Variants in SAP130 observed in about 807,000 individuals in gnomAD.
SAP130 encodes Sin3A associated protein 130.
A neutral mutation model predicts 103.2 loss-of-function variants in SAP130; 16 were observed. The ratio of observed to expected loss-of-function variants is 0.16; its 90% CI spans 0.10 to 0.24. The LOEUF (loss-of-function observed/expected upper bound fraction) is 0.24. SAP130 is among the 10% of genes least tolerant of loss of function. The pLI is 1.00. For missense variants in SAP130, 990 were observed against 1,359.7 expected, an observed-to-expected ratio of 0.73 and a Z score of 4.28; for synonymous variants, 477 against 497.0, an observed-to-expected ratio of 0.96 and a Z score of 0.53.
chr2:128,002,115 C>T (rs556142202), intron 7 of SAP130, among the ~76,000 whole-genome samples: 9 of 152,166 alleles, frequency 5.9e-5, no homozygotes, highest in East Asian at 1.9e-4. Flanking sequence ...TTAGTAGAGA[C>T]GTGGTTTCAC....
chr2:128,026,806 G>C (rs909313621), intron 1 of SAP130, among the ~76,000 whole-genome samples: 1 of 152,206 alleles, frequency 6.6e-6, no homozygotes. Context: ...TTTCGGCAAA[G>C]GCCTCCATTT....
chr2:127,989,594 G>T lies in SAP130; in HGVS notation c.1750C>A (p.Gln584Lys). The part of the protein sequence containing the change: ...QGLQPAPMGT[Q>K]QPQPEGKTSA... ...GTCTTTCCTTCAGGCTGAGGCTGCT[G>T]AGTACCCATAGGTGCAGGCTGAAGC... Residue 584 changes from glutamine to lysine, a missense_variant, in exon 13 of 21, where the codon CAG becomes AAG. By Grantham distance (53) the Gln-to-Lys change is moderately conservative (BLOSUM62 1). This residue lies in a region of SAP130 where 349 missense variants were observed against 384.1 expected (regional missense o/e 0.91). Coordinates refer to ENST00000643581, the MANE Select transcript of SAP130 (RefSeq NM_001330301.2). This position sits in a 1 kb window ranked among gnomAD's most constrained non-coding sequence, Gnocchi z 4.6. The T allele has an allele frequency of 6.2e-7, 1 of 1,613,758 alleles. No homozygotes were observed. The highest frequency in any genetic ancestry group is 8.5e-7 in the Non-Finnish European group (1 of 1,179,674).
At chr2:127,974,015 T>C (rs991890199) in intron 15 of SAP130, among the ~76,000 whole-genome samples, 1 of 152,156 alleles carries the variant, frequency 6.6e-6, no homozygotes, top group Non-Finnish European at 1.5e-5. Context: ...CACTCCAGCC[T>C]GGGTGACAGA....
chr2:127,986,732 A>T lies in SAP130; in HGVS notation c.1958+53T>A. The T allele has an allele frequency of 2.1e-5, 32 of 1,554,432 alleles. No individual in the cohort carries two copies. Among genetic ancestry groups the T allele is most frequent in the Non-Finnish European group, 2.8e-5 (32 of 1,133,136 alleles). The stretch of plus-strand genomic sequence containing the variant: ...TTAGATAAGAGTGCCTATTATGTAT[A>T]CCAGTTATATCCAGAACCAGAGGTG... On this transcript the variant is annotated intron_variant, in intron 14 of 20. Coordinates refer to ENST00000643581, the MANE Select transcript of SAP130 (RefSeq NM_001330301.2). The surrounding 1 kb of genome is among the most constrained non-coding windows in gnomAD (Gnocchi z 4.7).
intron 15 of SAP130, among the ~76,000 whole-genome samples, chr2:127,975,666 GTT>G (rs1306750905): frequency 6.6e-6 from 1 of 152,190 alleles, no homozygotes; most frequent in Non-Finnish European, 1.5e-5. Flanking sequence ...GTGAAGGCTG[GTT>G]TTAGCATTTC....
chr2:127,998,747 T>G (rs1262692412), intron 10 of SAP130, among the ~76,000 whole-genome samples: 1 of 152,194 alleles, frequency 6.6e-6, no homozygotes, highest in Non-Finnish European at 1.5e-5. Context: ...AAATTCTTCA[T>G]GGTGGAGGGT....
At position 127,989,825 on chromosome 2, in the gene SAP130, C is replaced by T; in HGVS notation, c.1519G>A (p.Gly507Ser). The T allele has an allele frequency of 6.2e-7, 1 of 1,614,168 alleles. No individual in the cohort carries two copies. Among genetic ancestry groups the T allele is most frequent in the East Asian group, 2.2e-5 (1 of 44,882 alleles). The change falls in exon 13 of 21, where the codon GGT becomes AGT. Residue 507 changes from glycine to serine, a missense_variant. This residue lies in a region of SAP130 where 336 missense variants were observed against 520.1 expected (regional missense o/e 0.65). Coordinates refer to ENST00000643581, the MANE Select transcript of SAP130 (RefSeq NM_001330301.2). The surrounding 1 kb of genome is among the most constrained non-coding windows in gnomAD (Gnocchi z 4.6). ...TGGACGGTAGACGCTACCCCAACAC[C>T]AGTCTGAGCTGTGATGGCAGAGTTT... ...APNSAITAQTGVGVASTVHLN... is the reference protein window; with the variant it reads ...APNSAITAQTSVGVASTVHLN...
intron 2 of SAP130, among the ~76,000 whole-genome samples, chr2:128,021,633 T>C (rs1685171612): frequency 6.6e-6 from 1 of 152,242 alleles, no homozygotes. Flanking sequence ...TTCAATAATT[T>C]TTTTACAAAT....
intron 14 of SAP130, among the ~76,000 whole-genome samples, chr2:127,981,169 C>G (rs991932883): frequency 6.6e-6 from 1 of 151,872 alleles, no homozygotes; most frequent in African/African-American, 2.4e-5. Flanking sequence ...CTTCACTGAC[C>G]CCTCCAGTAA....
intron 18 of SAP130, among the ~76,000 whole-genome samples, chr2:127,945,770 G>A (rs934208663): frequency 6.6e-6 from 1 of 151,806 alleles, no homozygotes; most frequent in South Asian, 2.1e-4. Context: ...CTCCCACTTC[G>A]GCCTCCCAAG....
chr2:128,025,913 A>T (rs1312233445), intron 2 of SAP130, among the ~76,000 whole-genome samples: 2 of 152,234 alleles, frequency 1.3e-5, no homozygotes, highest in Non-Finnish European at 2.9e-5. Flanking sequence ...CCTGGACATT[A>T]ATTAAACAAG....
intron 15 of SAP130, among the ~76,000 whole-genome samples, chr2:127,963,532 T>G (rs1177086471): frequency 1.3e-5 from 2 of 152,218 alleles, no homozygotes; most frequent in East Asian, 3.8e-4. Flanking sequence ...TAACCAGCCC[T>G]GAGTCAAATT....
chr2:127,968,912 T>G (rs1013327777), intron 15 of SAP130, among the ~76,000 whole-genome samples: 2 of 152,206 alleles, frequency 1.3e-5, no homozygotes, highest in African/African-American at 4.8e-5. Context: ...AACATCAGTT[T>G]TGCAGATGAA....
At chr2:127,946,541 C>A (rs957623131) in intron 18 of SAP130, among the ~76,000 whole-genome samples, 1 of 151,844 alleles carries the variant, frequency 6.6e-6, no homozygotes, top group Non-Finnish European at 1.5e-5. Context: ...GGTTTTCCCC[C>A]CAAAGACATG....
At position 127,950,721 on chromosome 2, in the gene SAP130, A is replaced by G. The variant is rs115128805; in HGVS notation, c.2423-313T>C. Among the ~76,000 whole-genome samples, 690 of 152,340 alleles carry G rather than the reference A, an allele frequency of 4.5e-3. 6 individuals are homozygous for G. Among genetic ancestry groups the G allele is most frequent in the African/African-American group, 0.016 (649 of 41,578 alleles). On this transcript the variant is annotated intron_variant, in intron 16 of 20. Coordinates refer to ENST00000643581, the MANE Select transcript of SAP130 (RefSeq NM_001330301.2). The stretch of plus-strand genomic sequence containing the variant: ...TAAGATGGAAGTAGAAGTGTTTTGT[A>G]GCACTTTTAGCAAATTTCCAGGAGG...
chr2:127,956,940 T>C (rs2461437), intron 15 of SAP130, among the ~76,000 whole-genome samples: 125,511 of 152,106 alleles, frequency 0.83, 52,335 homozygotes, highest in Middle Eastern at 0.88. Context: ...AACAAAAACA[T>C]TTTGGTTTTT....
At chr2:128,000,548 A>G (rs186468665) in intron 7 of SAP130, 94 bp from the exon 8 acceptor site, 3 of 1,431,366 alleles carry the variant, frequency 2.1e-6, no homozygotes, top group African/African-American at 2.8e-5. Flanking sequence ...TCATAGGTCT[A>G]TGAAGTTCGG....
At chr2:127,945,790 C>T (rs889928804) in intron 18 of SAP130, among the ~76,000 whole-genome samples, 9 of 152,092 alleles carry the variant, frequency 5.9e-5, no homozygotes, top group Admixed American at 4.6e-4. Flanking sequence ...GTAGCTGGGA[C>T]TACAGGTGTG....
rs183268786 is a variant in SAP130 at position 127,992,107 on chromosome 2, G to A, written c.1477+1080C>T. Among the ~76,000 whole-genome samples the A allele has an allele frequency of 8.7e-4, 133 of 152,056 alleles. 2 individuals carry two copies. Among genetic ancestry groups the A allele is most frequent in the Non-Finnish European group, 1.3e-3 (88 of 67,978 alleles). ...CCACCTTAGCTTCCTTAGTAGTTGGGACTAGAGGCACGCACCACCATGCCC... is the reference window on the plus strand; with the variant it reads ...CCACCTTAGCTTCCTTAGTAGTTGGAACTAGAGGCACGCACCACCATGCCC... On this transcript the variant is annotated intron_variant, in intron 12 of 20. Coordinates refer to ENST00000643581, the MANE Select transcript of SAP130 (RefSeq NM_001330301.2).
Sources: allele counts gnomAD v4.1 joint callset (sites outside exome capture counted in the v4.1 genomes callset), GRCh38; gene constraint gnomAD v4.1.1; regional missense constraint gnomAD v4.1.1; non-coding constraint Gnocchi (gnomAD v3.1); transcripts MANE v1.5; gene names NCBI Gene and HGNC (gene_info 2026-07-23, HGNC 2026-07-21).